Variants in PDZD7 observed in about 807,000 individuals in gnomAD.
PDZD7 encodes the protein PDZ domain containing 7.
In PDZD7, 72 loss-of-function variants were observed where a neutral mutation model predicts 84.7. That is an observed-to-expected ratio of 0.85 (90% CI 0.70 to 1.03). The LOEUF is 1.03. PDZD7 is among the 50% of genes least tolerant of loss of function. The pLI, the probability that PDZD7 is intolerant of heterozygous loss-of-function variation, is 0.00. For missense variants in PDZD7, 1,490 were observed against 1,412.9 expected (o/e 1.05, Z -0.87); for synonymous variants, 594 against 580.7 (o/e 1.02, Z -0.33).
chr10:101,012,039 A>AG (rs1219276488), intron 12 of PDZD7, 23 bp from the exon 13 acceptor site: 1 of 1,544,810 alleles, frequency 6.5e-7, no homozygotes, highest in African/African-American at 1.4e-5. Flanking sequence ...GAGAGACAGC[A>AG]GGGGTGGGAG....
rs867025983 is a variant in PDZD7, at chr10:101,015,617, G to A, written c.1749+19C>T. 48 of 1,545,580 alleles carry A rather than the reference G, an allele frequency of 3.1e-5. No homozygotes were observed. The highest frequency in any genetic ancestry group is 1.7e-4 in the Middle Eastern group (1 of 5,982). Reference sequence around the variant, plus strand: ...CTGAAGGACCGTGTGCCAGGGCTGCGGATGGGATGAAGGCTTACCCGGGAG... The same window carrying A: ...CTGAAGGACCGTGTGCCAGGGCTGCAGATGGGATGAAGGCTTACCCGGGAG... On this transcript the variant is annotated intron_variant, in intron 11 of 16. Transcript: ENST00000619208.
chr10:101,024,040 A>G lies in PDZD7; in HGVS notation c.255T>C (p.His85=), dbSNP rs374743954. ...CTGGACTCTTCTCCACCCGGACTGA[A>G]TGGATGATGTCACTTTCATCACTGT... is the stretch of plus-strand genomic sequence containing the variant. ...EANSDESDII[H]SVRVEKSPAG... Residue 85 remains histidine, a synonymous_variant, in exon 3 of 17, where the codon CAT becomes CAC. Transcript: ENST00000619208. 1.3e-5 allele frequency: 21 copies of G among 1,614,134 alleles called. No homozygotes were observed. Among genetic ancestry groups the G allele is most frequent in the African/African-American group, 2.7e-5 (2 of 74,942 alleles).
At chr10:101,011,134 A>T in intron 14 of PDZD7, 1 of 1,175,216 alleles carries the variant, frequency 8.5e-7, no homozygotes, top group Admixed American at 3.1e-5. Flanking sequence ...TCCACCTCCC[A>T]GGTTCAAGCG....
At chr10:101,023,837 TC>T in intron 3 of PDZD7, 90 bp downstream of exon 3, 1 of 1,600,308 alleles carries the variant, frequency 6.2e-7, no homozygotes, top group Non-Finnish European at 8.5e-7. Flanking sequence ...TGGGGACTCT[TC>T]CGTCTGTCCC....
At chr10:101,025,026 T>C (rs548932170) in intron 2 of PDZD7, among the ~76,000 whole-genome samples, 24 of 152,216 alleles carry the variant, frequency 1.6e-4, no homozygotes, top group African/African-American at 5.5e-4. Context: ...GCAGCATAAA[T>C]TAGTATATTA....
chr10:101,021,306 TC>T (rs1373067665), intron 6 of PDZD7, among the ~76,000 whole-genome samples: 1 of 152,052 alleles, frequency 6.6e-6, no homozygotes, highest in Non-Finnish European at 1.5e-5. Flanking sequence ...GGTGGCATCC[TC>T]CAGGAGCCGG....
At chr10:101,018,353 A>G in intron 8 of PDZD7, 57 bp from the exon 9 acceptor site, 2 of 1,390,704 alleles carry the variant, frequency 1.4e-6, no homozygotes, top group Non-Finnish European at 2.0e-6. Flanking sequence ...GGGAAGGACG[A>G]GGGGCAGGGG....
intron 16 of PDZD7, among the ~76,000 whole-genome samples, 197 bp from the exon 17 acceptor site, chr10:101,009,047 T>C (rs1052592668): frequency 2.6e-5 from 4 of 152,158 alleles, no homozygotes; most frequent in African/African-American, 9.7e-5. Flanking sequence ...TCTTTGTCCC[T>C]TGGGGCTCAG....
intron 2 of PDZD7, among the ~76,000 whole-genome samples, chr10:101,028,011 T>C (rs1937820283): frequency 6.6e-6 from 1 of 152,160 alleles, no homozygotes; most frequent in Non-Finnish European, 1.5e-5. Flanking sequence ...GGTGGCAATG[T>C]CACCGTTTAT....
chr10:101,009,050 GGGCTCA>G (rs1330825299), intron 16 of PDZD7, among the ~76,000 whole-genome samples, 194 bp downstream of exon 16: 2 of 152,120 alleles, frequency 1.3e-5, no homozygotes, highest in African/African-American at 2.4e-5. Context: ...TTGTCCCTTG[GGGCTCA>G]GGCTCAGGCT....
intron 4 of PDZD7, among the ~76,000 whole-genome samples, chr10:101,022,691 G>A (rs1342450317): frequency 1.3e-5 from 2 of 151,972 alleles, no homozygotes; most frequent in Non-Finnish European, 2.9e-5. Flanking sequence ...AACCTCCTGG[G>A]CTCAAGCAGT....
At chr10:101,030,569 CA>C in intron 1 of PDZD7, 185 bp from the exon 2 acceptor site, 1 of 466,886 alleles carries the variant, frequency 2.1e-6, no homozygotes, top group South Asian at 2.0e-5. Flanking sequence ...TGACTTTATA[CA>C]AGGCAGGTGG....
At chr10:101,013,626 C>T (rs1852473338) in intron 11 of PDZD7, among the ~76,000 whole-genome samples, 1 of 152,208 alleles carries the variant, frequency 6.6e-6, no homozygotes, top group Admixed American at 6.5e-5. Flanking sequence ...AGGGCTGCTG[C>T]ACAGGCTGTG....
intron 2 of PDZD7, 38 bp downstream of exon 2, chr10:101,029,956 C>CG: frequency 1.5e-6 from 2 of 1,318,210 alleles, no homozygotes; most frequent in Non-Finnish European, 2.2e-6. Context: ...TACCCCCACC[C>CG]TCCCCAACCC....
Position 101,010,892 on chromosome 10 carries a change from G to A in PDZD7, c.2006-9C>T. On this transcript the variant is annotated splice_polypyrimidine_tract_variant and intron_variant, in intron 14 of 16. Transcript: ENST00000619208. ...GAAGCCTCCGCGGCTGTCTGGGGAA[G>A]AGCGCCAAGGTCAGCTGCCCACTCC... 1.3e-6 allele frequency: 2 copies of A among 1,533,720 alleles called. No individual in the cohort carries two copies. Among genetic ancestry groups the A allele is most frequent in the Non-Finnish European group, 1.7e-6 (2 of 1,146,784 alleles).
chr10:101,015,918 C>G (rs1852603872), intron 10 of PDZD7, 107 bp from the exon 11 acceptor site: 1 of 1,262,298 alleles, frequency 7.9e-7, no homozygotes, highest in African/African-American at 1.5e-5. Context: ...GAATCCTAGC[C>G]TAGCCTATAT....
In PDZD7 at chr10:101,030,061, C is replaced by G. The variant is rs78072468; in HGVS notation, c.159G>C (p.Gly53=). The G allele has an allele frequency of 1.7e-3, 2,715 of 1,612,668 alleles. 38 individuals are homozygous for G. The African/African-American group carries it at 0.03, about 18-fold the overall frequency. Residue 53 remains glycine, a synonymous_variant, in exon 2 of 17, where the codon GGG becomes GGC. Coordinates refer to ENST00000619208, the MANE Select transcript of PDZD7 (RefSeq NM_001195263.2). ...LLRKQQRLLN[G]PPRGIRASSP... is the part of the protein sequence containing the mutation. ...ATGAGGCTCGGATTCCGCGGGGGGG[C>G]CCGTTCAGCAGCCGTTGTTGCTTCC...
chr10:101,012,114 G>T, intron 12 of PDZD7, 53 bp downstream of exon 12: 3 of 1,540,958 alleles, frequency 1.9e-6, no homozygotes, highest in Non-Finnish European at 2.6e-6. Flanking sequence ...GGTTGGGGGT[G>T]GTACCAGGGA....
chr10:101,020,843 G>A (rs1853051368), intron 6 of PDZD7, among the ~76,000 whole-genome samples, 165 bp from the exon 7 acceptor site: 1 of 152,234 alleles, frequency 6.6e-6, no homozygotes, highest in Non-Finnish European at 1.5e-5. Flanking sequence ...AACGTGCCAA[G>A]TTCCTTTTTG....
Sources: gnomAD v4.1 joint callset for allele counts (sites outside exome capture counted in the v4.1 genomes callset) on GRCh38, gnomAD v4.1.1 for gene constraint, MANE v1.5 for transcripts, NCBI Gene and HGNC (gene_info 2026-07-23, HGNC 2026-07-21) for gene names.